The following RUNX1 variants were observed in gnomAD, a reference collection of about 807,000 sequenced individuals.
The protein encoded by RUNX1 is runt-related transcription factor 1.
A neutral mutation model predicts 42.8 loss-of-function variants in RUNX1; 19 were observed. The ratio of observed to expected loss-of-function variants is 0.44; its 90% CI spans 0.31 to 0.65. The LOEUF is 0.65. Among genes scored for constraint, RUNX1 ranks in the 30% least tolerant of loss-of-function variants. The pLI is 0.07. For missense variants in RUNX1, 528 were observed against 672.0 expected, an observed-to-expected ratio of 0.79 and a Z score of 2.37; for synonymous variants, 271 against 289.4, an observed-to-expected ratio of 0.94 and a Z score of 0.64.
chr21:35,018,645 C>T (rs978156290), intron 2 of RUNX1, among the ~76,000 whole-genome samples: 1 of 152,158 alleles, frequency 6.6e-6, no homozygotes, highest in Non-Finnish European at 1.5e-5. Context: ...TTAAATAAGG[C>T]ACTCTGGACA....
intron 6 of RUNX1, among the ~76,000 whole-genome samples, chr21:34,855,200 C>T (rs1173205014): frequency 6.6e-6 from 1 of 152,126 alleles, no homozygotes; most frequent in Non-Finnish European, 1.5e-5. Flanking sequence ...CAGTTAGGGT[C>T]CCCACTGCTC....
intron 2 of RUNX1, among the ~76,000 whole-genome samples, chr21:34,997,231 A>G (rs949302374): frequency 6.6e-6 from 1 of 152,282 alleles, no homozygotes; most frequent in Non-Finnish European, 1.5e-5. Flanking sequence ...TAGCACTTAA[A>G]AGTAAAAGAA....
intron 2 of RUNX1, among the ~76,000 whole-genome samples, chr21:34,959,606 G>A (rs1340774016): frequency 3.3e-5 from 5 of 152,138 alleles, no homozygotes; most frequent in Non-Finnish European, 5.9e-5. Flanking sequence ...AGACCTGAAC[G>A]TACTAAAGAA....
intron 6 of RUNX1, among the ~76,000 whole-genome samples, chr21:34,838,983 A>G (rs2057189738): frequency 6.6e-6 from 1 of 151,984 alleles, no homozygotes. Flanking sequence ...TTATATATGC[A>G]TGCTTATATA....
rs139307340 is a variant in RUNX1 at position 34,789,604 on chromosome 21, GCACACA to G, written c.*2525_*2530del. 2 of 224,776 alleles carry G rather than the reference GCACACA, an allele frequency of 8.9e-6. No homozygotes were observed. The highest frequency in any genetic ancestry group is 1.2e-4 in the Admixed American group (2 of 17,288). 13.9% of individuals were successfully genotyped at this position (224,776 alleles called of 1,614,324 possible). ...ATTTTTCACACACACACACACACAC[GCACACA>G]CACACACATACAAAAATGTGTTGCG... On this transcript the variant is annotated 3_prime_UTR_variant, in exon 9 of 9. Transcript: ENST00000675419.
chr21:35,038,613 C>A, intron 2 of RUNX1: 4 of 283,810 alleles, frequency 1.4e-5, no homozygotes, highest in South Asian at 1.1e-4. Flanking sequence ...CTCTCTCTCT[C>A]TGTGTGTGTG....
intron 5 of RUNX1, among the ~76,000 whole-genome samples, chr21:34,878,386 C>CAT (rs1227449906): frequency 3.3e-4 from 49 of 148,352 alleles, no homozygotes; most frequent in Admixed American, 2.2e-3. Flanking sequence ...TACACACACA[C>CAT]ATATATATAT....
chr21:34,889,708 C>T (rs749536912), intron 3 of RUNX1: 1 of 1,187,044 alleles, frequency 8.4e-7, no homozygotes, highest in South Asian at 1.8e-5. Flanking sequence ...CCGCTTCCCC[C>T]TGCGCCGGTC....
intron 2 of RUNX1, among the ~76,000 whole-genome samples, chr21:34,905,614 T>C (rs2058212045): frequency 6.6e-6 from 1 of 152,222 alleles, no homozygotes; most frequent in African/African-American, 2.4e-5. Flanking sequence ...TGTTAACTTG[T>C]CATCTTTAAA....
intron 2 of RUNX1, among the ~76,000 whole-genome samples, chr21:34,996,748 G>C (rs2058999933): frequency 6.6e-6 from 1 of 151,914 alleles, no homozygotes; most frequent in South Asian, 2.1e-4. Flanking sequence ...AGAAAGTGTT[G>C]CCGTAAGTAA....
At chr21:35,041,364 G>A (rs2059357914) in intron 2 of RUNX1, among the ~76,000 whole-genome samples, 1 of 152,212 alleles carries the variant, frequency 6.6e-6, no homozygotes, top group African/African-American at 2.4e-5. Context: ...CAGAGCGATT[G>A]AGCAAGCCCA....
chr21:34,824,646 A>C (rs1484353334), intron 7 of RUNX1, among the ~76,000 whole-genome samples: 1 of 152,200 alleles, frequency 6.6e-6, no homozygotes, highest in Non-Finnish European at 1.5e-5. Context: ...AGGGCTGGTG[A>C]CAATTGAGGC....
rs2056446564 is a variant in RUNX1 at position 34,792,139 on chromosome 21, T to C, written c.1439A>G (p.Tyr480Cys). 1 of 1,473,622 alleles carries C rather than the reference T, an allele frequency of 6.8e-7. No individual in the cohort carries two copies. Among genetic ancestry groups the C allele is most frequent in the Non-Finnish European group, 8.9e-7 (1 of 1,121,232 alleles). The allele number at this position is 1,473,622 out of a possible 1,614,324, so 91.3% of individuals were successfully genotyped here. A position where few individuals can be genotyped will look rare whatever the true frequency, so the allele number is the denominator to read the frequency against. Residue 480 changes from tyrosine (Y) to cysteine (C), a missense_variant, in exon 9 of 9, where the codon TAC becomes TGC. Tyr to Cys is a radical substitution (Grantham distance 194, BLOSUM62 -2). Coordinates refer to ENST00000675419, the MANE Select transcript of RUNX1 (RefSeq NM_001754.5). The surrounding 1 kb of genome is among the most constrained non-coding windows in gnomAD (Gnocchi z 6.9). ...AGCCGGGCCAGGCCTGGCGCCTCAG[T>C]AGGGCCTCCACACGGCCTCCTCCAG... Reference protein sequence around the residue: ...ARLEEAVWRPY With the variant: ...ARLEEAVWRPC
At chr21:34,847,974 C>T (rs1016748725) in intron 6 of RUNX1, among the ~76,000 whole-genome samples, 1 of 151,844 alleles carries the variant, frequency 6.6e-6, no homozygotes, top group Admixed American at 6.6e-5. Context: ...TTGGCCCCCA[C>T]TTGAACAGAA....
chr21:34,880,431 A>G, intron 5 of RUNX1, 126 bp downstream of exon 5: 1 of 842,618 alleles, frequency 1.2e-6, no homozygotes, highest in Non-Finnish European at 2.0e-6. Context: ...AGAGCTTGAC[A>G]TAGCAATAAG....
intron 6 of RUNX1, among the ~76,000 whole-genome samples, chr21:34,848,147 C>A (rs2057343719): frequency 1.3e-5 from 2 of 152,184 alleles, no homozygotes; most frequent in Admixed American, 1.3e-4. Flanking sequence ...GCACAATAAT[C>A]CCCAACAGAG....
chr21:34,799,474 CAGAA>C lies in RUNX1; in HGVS notation c.806-16_806-13del. ...GATCTGCCTTGTATCTGAAGAGAAT[CAGAA>C]AGGTCAATTATATGTAAAGTGGGGT... On this transcript the variant is annotated splice_polypyrimidine_tract_variant and intron_variant, in intron 7 of 8. Coordinates refer to ENST00000675419, the MANE Select transcript of RUNX1 (RefSeq NM_001754.5). The C allele has an allele frequency of 6.2e-7, 1 of 1,613,156 alleles. No homozygotes were observed. Among genetic ancestry groups the C allele is most frequent in the Non-Finnish European group, 8.5e-7 (1 of 1,179,178 alleles).
At chr21:34,888,858 C>CCCG (rs1381262914) in intron 3 of RUNX1, among the ~76,000 whole-genome samples, 1 of 151,738 alleles carries the variant, frequency 6.6e-6, no homozygotes, top group Non-Finnish European at 1.5e-5. Flanking sequence ...CCCGCGCGCC[C>CCCG]CCGCCGCCGC....
intron 2 of RUNX1, among the ~76,000 whole-genome samples, chr21:34,964,917 C>T (rs949674890): frequency 2.6e-5 from 4 of 152,174 alleles, no homozygotes; most frequent in East Asian, 1.9e-4. Context: ...CACACGCATG[C>T]ACACTTATGC....
Sources: gnomAD v4.1 joint callset for allele counts (sites outside exome capture counted in the v4.1 genomes callset) on GRCh38, gnomAD v4.1.1 for gene constraint, Gnocchi (gnomAD v3.1) non-coding constraint, MANE v1.5 for transcripts, NCBI Gene and HGNC (gene_info 2026-07-23, HGNC 2026-07-21) for gene names.